The following CACNB2 variants were observed in gnomAD, a reference collection of about 807,000 sequenced individuals.
The protein encoded by CACNB2 is voltage-dependent L-type calcium channel subunit beta-2.
In CACNB2, 42 loss-of-function variants were observed where a neutral mutation model predicts 73.3. The observed-to-expected ratio is 0.57, with a 90% CI of 0.45 to 0.74. The LOEUF (loss-of-function observed/expected upper bound fraction) is 0.74, where lower values mean the gene tolerates loss of function less well. CACNB2 is among the 30% of genes least tolerant of loss of function. The pLI is 0.00. For synonymous variants in CACNB2, 348 were observed against 310.3 expected, an observed-to-expected ratio of 1.12 and a Z score of -1.28; for missense variants, 940 against 853.0, an observed-to-expected ratio of 1.10 and a Z score of -1.27.
chr10:18,482,950 A>G (rs1264157398), intron 3 of CACNB2, among the ~76,000 whole-genome samples: 2 of 152,204 alleles, frequency 1.3e-5, no homozygotes, highest in African/African-American at 4.8e-5. Context: ...AAAAGTTTTC[A>G]TATATTCAGC....
intron 2 of CACNB2, chr10:18,181,850 G>A (rs1301395212): frequency 6.6e-6 from 1 of 151,486 alleles, no homozygotes; most frequent in Non-Finnish European, 1.5e-5. Context: ...TTGAATTCCT[G>A]GCCTCCAGCA....
intron 3 of CACNB2, among the ~76,000 whole-genome samples, chr10:18,476,933 T>A: frequency 6.6e-6 from 1 of 151,648 alleles, no homozygotes; most frequent in East Asian, 1.9e-4. Flanking sequence ...GACAGGAGAA[T>A]CACTTGAACC....
At chr10:18,416,544 G>A (rs1479620649) in intron 3 of CACNB2, among the ~76,000 whole-genome samples, 1 of 152,214 alleles carries the variant, frequency 6.6e-6, no homozygotes, top group Non-Finnish European at 1.5e-5. Flanking sequence ...AGCCTCCTGA[G>A]TAGCTGGGAC....
At position 18,437,436 on chromosome 10, in the gene CACNB2, CA is replaced by C. The variant is rs1296957092; in HGVS notation, c.333+35395del. On this transcript the variant is annotated intron_variant, in intron 3 of 13. Coordinates refer to ENST00000324631, the MANE Select transcript of CACNB2 (RefSeq NM_201596.3). ...GCGTATCGTTGACCCAAAGCTTTAC[CA>C]ATATCATAAAAGGTTGGTTAACACA... 1.6e-3 allele frequency among the ~76,000 whole-genome samples: 251 copies of C among 152,238 alleles called. 3 individuals are homozygous for C. The highest frequency in any genetic ancestry group is 4.0e-4 in the Non-Finnish European group (27 of 68,022).
chr10:18,387,822 T>C (rs1159807467), intron 2 of CACNB2, among the ~76,000 whole-genome samples: 2 of 151,790 alleles, frequency 1.3e-5, no homozygotes, highest in African/African-American at 4.8e-5. Flanking sequence ...AGTGGTACAA[T>C]CAAGGCTTAC....
chr10:18,436,130 A>G (rs1000764397), intron 3 of CACNB2, among the ~76,000 whole-genome samples: 1 of 152,244 alleles, frequency 6.6e-6, no homozygotes, highest in Admixed American at 6.5e-5. Flanking sequence ...GTTGTTGGCT[A>G]TTACCTTGAA....
intron 2 of CACNB2, among the ~76,000 whole-genome samples, chr10:18,228,370 T>TTGC (rs780829123): frequency 4.6e-5 from 6 of 129,846 alleles, no homozygotes; most frequent in Non-Finnish European, 7.8e-5. Context: ...AAGGCAGAGG[T>TTGC]TGCGGTGAGC....
intron 2 of CACNB2, among the ~76,000 whole-genome samples, chr10:18,253,925 T>C (rs1187196130): frequency 6.6e-6 from 1 of 152,128 alleles, no homozygotes; most frequent in African/African-American, 2.4e-5. Context: ...ATGGGTACAA[T>C]AGGGCAAATG....
chr10:18,470,699 T>C (rs1167871767), intron 3 of CACNB2, among the ~76,000 whole-genome samples: 2 of 152,072 alleles, frequency 1.3e-5, no homozygotes, highest in Non-Finnish European at 2.9e-5. Context: ...CCCCTTTAAA[T>C]TGATTTTTCA....
chr10:18,358,482 T>A (rs2042008795), intron 2 of CACNB2, among the ~76,000 whole-genome samples: 1 of 147,826 alleles, frequency 6.8e-6, no homozygotes, highest in Non-Finnish European at 1.5e-5. Flanking sequence ...GGGAAATTCC[T>A]TTTCTAATGA....
intron 3 of CACNB2, among the ~76,000 whole-genome samples, chr10:18,460,105 C>T (rs1033861898): frequency 9.9e-5 from 15 of 152,184 alleles, no homozygotes; most frequent in Admixed American, 6.5e-4. Context: ...TATATACACA[C>T]GTACACACAT....
chr10:18,440,081 C>T (rs1409585109), intron 3 of CACNB2, among the ~76,000 whole-genome samples: 1 of 152,138 alleles, frequency 6.6e-6, no homozygotes, highest in Admixed American at 6.5e-5. Context: ...GATTCAGTGT[C>T]TGGGGAAGGT....
At chr10:18,262,242 T>A (rs1222645199) in intron 2 of CACNB2, among the ~76,000 whole-genome samples, 1 of 148,278 alleles carries the variant, frequency 6.7e-6, no homozygotes, top group East Asian at 2.0e-4. Flanking sequence ...AAAAGAGATA[T>A]ATGTGAGACT....
chr10:18,156,245 G>A (rs954834649), intron 2 of CACNB2, among the ~76,000 whole-genome samples: 1 of 152,172 alleles, frequency 6.6e-6, no homozygotes, highest in African/African-American at 2.4e-5. Flanking sequence ...TTCTTGATAT[G>A]TTTCTGTGTT....
chr10:18,423,271 G>T (rs555940957), intron 3 of CACNB2, among the ~76,000 whole-genome samples: 21 of 152,200 alleles, frequency 1.4e-4, no homozygotes, highest in Non-Finnish European at 1.3e-4. Context: ...GTTGCATTAT[G>T]ACACTCTTTA....
At chr10:18,195,877 G>A (rs1179291051) in intron 2 of CACNB2, among the ~76,000 whole-genome samples, 2 of 152,172 alleles carry the variant, frequency 1.3e-5, no homozygotes, top group African/African-American at 4.8e-5. Flanking sequence ...TTGGTACAGA[G>A]CATACTCTTC....
intron 3 of CACNB2, among the ~76,000 whole-genome samples, chr10:18,491,224 A>G (rs1027293581): frequency 2.6e-5 from 4 of 152,228 alleles, no homozygotes; most frequent in African/African-American, 4.8e-5. Flanking sequence ...TTTATGATGG[A>G]CCATGCAGGA....
intron 2 of CACNB2, among the ~76,000 whole-genome samples, chr10:18,353,846 T>G (rs1267552494): frequency 6.6e-6 from 1 of 152,166 alleles, no homozygotes; most frequent in Non-Finnish European, 1.5e-5. Flanking sequence ...CATTATCTAT[T>G]TTTTTTGCCC....
intron 2 of CACNB2, among the ~76,000 whole-genome samples, chr10:18,175,892 C>T (rs2033561369): frequency 6.6e-6 from 1 of 152,188 alleles, no homozygotes. Context: ...GCCGCTGCAC[C>T]CGGCCTCTGG....
Sources: gnomAD v4.1 joint callset for allele counts (sites outside exome capture counted in the v4.1 genomes callset) on GRCh38, gnomAD v4.1.1 for gene constraint, MANE v1.5 for transcripts, NCBI Gene and HGNC (gene_info 2026-07-23, HGNC 2026-07-21) for gene names.